Variants in TRPM3 observed in about 807,000 individuals in gnomAD.
TRPM3 encodes the protein transient receptor potential cation channel subfamily M member 3.
In TRPM3, 77 loss-of-function variants were observed where a neutral mutation model predicts 181.2. That is an observed-to-expected ratio of 0.42 (90% CI 0.35 to 0.51). The LOEUF (loss-of-function observed/expected upper bound fraction) is 0.51, where lower values mean the gene tolerates loss of function less well. Ranked by LOEUF, TRPM3 falls within the 20% of genes least tolerant of loss-of-function variation. The probability of loss-of-function intolerance (pLI) is 0.01; values close to 1 mark genes in which losing one functional copy is unlikely to be tolerated. For synonymous variants in TRPM3, 745 were observed against 796.4 expected (o/e 0.94, Z 1.09); for missense variants, 1,759 against 2,196.7 (o/e 0.80, Z 3.98).
At chr9:71,053,377 A>G (rs1181673511) in intron 1 of TRPM3, among the ~76,000 whole-genome samples, 1 of 152,088 alleles carries the variant, frequency 6.6e-6, no homozygotes, top group Non-Finnish European at 1.5e-5. Context: ...AGCTCCATGC[A>G]GATTTTGAAG....
chr9:71,284,621 T>C (rs2085126998), intron 1 of TRPM3, among the ~76,000 whole-genome samples: 1 of 152,222 alleles, frequency 6.6e-6, no homozygotes, highest in Non-Finnish European at 1.5e-5. Context: ...CACACCTATT[T>C]ATATAGGTAA....
intron 1 of TRPM3, among the ~76,000 whole-genome samples, chr9:71,100,405 G>A (rs2068136130): frequency 6.6e-6 from 1 of 152,086 alleles, no homozygotes; most frequent in Non-Finnish European, 1.5e-5. Context: ...CTCAGGAAGT[G>A]ACAGCCTCTG....
At chr9:70,856,586 C>T (rs1163777167) in intron 3 of TRPM3, among the ~76,000 whole-genome samples, 1 of 152,176 alleles carries the variant, frequency 6.6e-6, no homozygotes, top group East Asian at 1.9e-4. Context: ...CAGCCTCCCC[C>T]TGCCTGTTAT....
At chr9:71,231,454 T>C (rs1013989551) in intron 1 of TRPM3, among the ~76,000 whole-genome samples, 2 of 152,188 alleles carry the variant, frequency 1.3e-5, no homozygotes, top group African/African-American at 2.4e-5. Flanking sequence ...AGTTCTTCCA[T>C]AGAGCCTTCA....
At chr9:70,627,418 G>T (rs1355870957) in intron 12 of TRPM3, among the ~76,000 whole-genome samples, 1 of 151,984 alleles carries the variant, frequency 6.6e-6, no homozygotes. Flanking sequence ...GACTACAGGT[G>T]TATGCCACCA....
chr9:70,937,715 G>T (rs1414041677), intron 1 of TRPM3, among the ~76,000 whole-genome samples: 1 of 152,104 alleles, frequency 6.6e-6, no homozygotes, highest in African/African-American at 2.4e-5. Flanking sequence ...AAGCAGAGAA[G>T]TGGATGTTTA....
At chr9:71,158,213 G>A (rs2076099988) in intron 1 of TRPM3, among the ~76,000 whole-genome samples, 1 of 152,048 alleles carries the variant, frequency 6.6e-6, no homozygotes, top group Admixed American at 6.6e-5. Flanking sequence ...TATGCCCCTA[G>A]TTGATTCCCC....
intron 1 of TRPM3, among the ~76,000 whole-genome samples, chr9:71,271,849 A>C (rs2083819764): frequency 6.6e-6 from 1 of 152,198 alleles, no homozygotes; most frequent in South Asian, 2.1e-4. Context: ...AAAAGACATG[A>C]AAGAAAGGGG....
At chr9:70,789,456 A>C (rs1268669897) in intron 6 of TRPM3, among the ~76,000 whole-genome samples, 1 of 152,214 alleles carries the variant, frequency 6.6e-6, no homozygotes, top group Non-Finnish European at 1.5e-5. Flanking sequence ...TACAGTCTGT[A>C]GGAAAAAAAA....
At chr9:71,271,245 C>T (rs187492252) in intron 1 of TRPM3, among the ~76,000 whole-genome samples, 3 of 152,232 alleles carry the variant, frequency 2.0e-5, no homozygotes, top group African/African-American at 7.2e-5. Context: ...TTCTTTCTCA[C>T]ACTTATTCAT....
chr9:71,336,580 T>C (rs2090570627), intron 1 of TRPM3, among the ~76,000 whole-genome samples: 1 of 152,168 alleles, frequency 6.6e-6, no homozygotes, highest in Admixed American at 6.6e-5. Context: ...CTGACTTTCT[T>C]CACTGAATTA....
At chr9:71,136,639 G>T (rs2134505437) in intron 1 of TRPM3, among the ~76,000 whole-genome samples, 1 of 152,278 alleles carries the variant, frequency 6.6e-6, no homozygotes, top group Non-Finnish European at 1.5e-5. Context: ...CTGCTCCCAG[G>T]TGTGTTTCTT....
At position 70,610,711 on chromosome 9, in the gene TRPM3, C is replaced by A. The variant is rs370376246; in HGVS notation, c.2565G>T (p.Lys855Asn). The change falls in exon 19 of 26, where the codon AAG becomes AAT. Residue 855 changes from lysine (K) to asparagine (N), a missense_variant. By Grantham distance (94) the Lys-to-Asn change is moderately conservative. Transcript: ENST00000677713. ...TGCTCTGAACTTCCTCTTCATCCTT[C>A]TTCCTGGAGGACTCCCCGTTGTTTC... Reference protein sequence around the residue: ...LGRNNGESSRKKDEEEVQSKH... With the variant: ...LGRNNGESSRNKDEEEVQSKH... 10 of 1,614,180 alleles carry A rather than the reference C, an allele frequency of 6.2e-6. No individual in the cohort carries two copies. The highest frequency in any genetic ancestry group is 8.5e-6 in the Non-Finnish European group (10 of 1,180,002).
chr9:71,323,812 G>C (rs1046475852), intron 1 of TRPM3, among the ~76,000 whole-genome samples: 2 of 152,138 alleles, frequency 1.3e-5, no homozygotes, highest in African/African-American at 4.8e-5. Context: ...GCCTAGAAGA[G>C]AGAAAGAAAG....
chr9:71,379,388 A>G (rs1266634364), intron 1 of TRPM3, among the ~76,000 whole-genome samples: 3 of 152,090 alleles, frequency 2.0e-5, no homozygotes, highest in Admixed American at 2.0e-4. Flanking sequence ...ATCCTTTAGC[A>G]TAGTCAATTG....
chr9:70,926,368 T>C (rs145317289), intron 1 of TRPM3, among the ~76,000 whole-genome samples: 59 of 152,274 alleles, frequency 3.9e-4, no homozygotes, highest in African/African-American at 1.3e-3. Context: ...CTGTAAAAAT[T>C]TGTGGCCATA....
chr9:71,015,696 G>A (rs1008154599), intron 1 of TRPM3, among the ~76,000 whole-genome samples: 2 of 152,028 alleles, frequency 1.3e-5, no homozygotes, highest in Non-Finnish European at 2.9e-5. Flanking sequence ...GTTCTGAATT[G>A]ATAATCCAAA....
At chr9:71,407,126 A>G (rs1441740575) in intron 1 of TRPM3, among the ~76,000 whole-genome samples, 1 of 152,202 alleles carries the variant, frequency 6.6e-6, no homozygotes, top group East Asian at 1.9e-4. Context: ...ATGGCCGAAT[A>G]GGAACAGCTC....
At chr9:70,968,353 C>T (rs1437260470) in intron 1 of TRPM3, among the ~76,000 whole-genome samples, 1 of 152,148 alleles carries the variant, frequency 6.6e-6, no homozygotes, top group Non-Finnish European at 1.5e-5. Context: ...TGAAGACTCT[C>T]CCGGAACAGA....
Sources: allele counts gnomAD v4.1 joint callset (sites outside exome capture counted in the v4.1 genomes callset), GRCh38; gene constraint gnomAD v4.1.1; transcripts MANE v1.5; gene names NCBI Gene and HGNC (gene_info 2026-07-23, HGNC 2026-07-21).